The following TUT7 variants were observed in gnomAD, a reference collection of about 807,000 sequenced individuals.
The protein encoded by TUT7 is terminal uridylyltransferase 7.
A neutral mutation model predicts 165.9 loss-of-function variants in TUT7; 33 were observed. The ratio of observed to expected loss-of-function variants is 0.20; its 90% CI spans 0.15 to 0.27. The LOEUF (loss-of-function observed/expected upper bound fraction) is 0.27, where lower values mean the gene tolerates loss of function less well. TUT7 is among the 10% of genes least tolerant of loss of function. The pLI, the probability that TUT7 is intolerant of heterozygous loss-of-function variation, is 1.00. For missense variants in TUT7, 1,338 were observed against 1,762.3 expected, an observed-to-expected ratio of 0.76 and a Z score of 4.31; for synonymous variants, 552 against 608.1, an observed-to-expected ratio of 0.91 and a Z score of 1.36.
At chr9:86,316,131 T>G (rs994133026) in intron 17 of TUT7, among the ~76,000 whole-genome samples, 3 of 152,232 alleles carry the variant, frequency 2.0e-5, no homozygotes. Context: ...CACAGAAGTT[T>G]GCTGAACTAC....
Position 86,313,860 on chromosome 9 carries a change from A to T in TUT7, c.3275-3051T>A, listed in dbSNP as rs13293208. The stretch of plus-strand genomic sequence containing the variant: ...GTGGTGGTTCCTAAAAAGCAGATAC[A>T]TAGTGATCACATCATAGAACACAGG... On this transcript the variant is annotated intron_variant, in intron 17 of 26. Coordinates refer to ENST00000375963, the MANE Select transcript of TUT7 (RefSeq NM_024617.4). Among the ~76,000 whole-genome samples the T allele has an allele frequency of 1.9e-3, 283 of 152,324 alleles. 1 individual carries two copies. Among genetic ancestry groups the T allele is most frequent in the Non-Finnish European group, 2.5e-3 (169 of 68,026 alleles).
chr9:86,317,188 A>T (rs372753038), intron 17 of TUT7, 31 bp downstream of exon 17: 4 of 1,596,904 alleles, frequency 2.5e-6, no homozygotes, highest in Non-Finnish European at 8.6e-7. Context: ...AAAAAGTCAG[A>T]AATATTTTTA....
chr9:86,342,468 C>G (rs1251700476), intron 6 of TUT7, among the ~76,000 whole-genome samples: 2 of 152,112 alleles, frequency 1.3e-5, no homozygotes, highest in Non-Finnish European at 2.9e-5. Flanking sequence ...TGGCAATTCT[C>G]AAGTGCAGTC....
intron 25 of TUT7, 24 bp from the exon 26 acceptor site, chr9:86,301,625 G>C: frequency 1.3e-6 from 2 of 1,576,994 alleles, no homozygotes; most frequent in Non-Finnish European, 1.7e-6. Context: ...CATATTAGTA[G>C]CAAAAATCTA....
At chr9:86,334,842 G>C (rs1406910814) in intron 10 of TUT7, among the ~76,000 whole-genome samples, 1 of 152,078 alleles carries the variant, frequency 6.6e-6, no homozygotes, top group African/African-American at 2.4e-5. Context: ...GAAGAGGACT[G>C]ATTTTTGTCT....
chr9:86,337,304 A>T, intron 10 of TUT7, 115 bp downstream of exon 10: 1 of 1,154,980 alleles, frequency 8.7e-7, no homozygotes, highest in Non-Finnish European at 1.2e-6. Flanking sequence ...TGAGTAGAAT[A>T]AATAAATCCA....
chr9:86,318,193 C>T (rs527254608), intron 16 of TUT7, among the ~76,000 whole-genome samples: 11 of 152,340 alleles, frequency 7.2e-5, no homozygotes, highest in Admixed American at 1.3e-4. Flanking sequence ...ACTTCCTAGA[C>T]TTTATACCTT....
intron 10 of TUT7, among the ~76,000 whole-genome samples, chr9:86,334,498 CCTT>C (rs960710056): frequency 3.9e-5 from 6 of 152,190 alleles, no homozygotes; most frequent in Admixed American, 3.9e-4. Context: ...CCGCTCCTGG[CCTT>C]CTGCTCTGGT....
intron 5 of TUT7, 104 bp from the exon 6 acceptor site, chr9:86,343,267 C>T (rs1418463249): frequency 1.4e-5 from 9 of 650,384 alleles, no homozygotes; most frequent in Non-Finnish European, 2.1e-5. Flanking sequence ...ATTAAAATTA[C>T]ACACAAAAGC....
At chr9:86,322,165 C>T (rs1032340998) in intron 14 of TUT7, among the ~76,000 whole-genome samples, 160 bp downstream of exon 14, 7 of 152,052 alleles carry the variant, frequency 4.6e-5, no homozygotes, top group East Asian at 1.9e-4. Flanking sequence ...ATGTCCCAAA[C>T]AGAACAGACA....
chr9:86,304,968 T>A (rs1420377213), intron 23 of TUT7, 21 bp from the exon 24 acceptor site: 2 of 1,526,242 alleles, frequency 1.3e-6, no homozygotes, highest in Non-Finnish European at 1.8e-6. Context: ...GAGTAAGAAC[T>A]CACTTAGGCG....
chr9:86,352,128 C>T (rs1460743849), intron 2 of TUT7, among the ~76,000 whole-genome samples: 1 of 152,084 alleles, frequency 6.6e-6, no homozygotes, highest in African/African-American at 2.4e-5. Context: ...CTGTTTGTCA[C>T]GATCCCTTTT....
chr9:86,340,170 A>C, intron 7 of TUT7, 65 bp from the exon 8 acceptor site: 1 of 1,362,172 alleles, frequency 7.3e-7, no homozygotes, highest in Non-Finnish European at 1.0e-6. Context: ...GCAGAACCAG[A>C]TAAAGTACAA....
intron 24 of TUT7, among the ~76,000 whole-genome samples, chr9:86,304,252 T>C (rs921866849): frequency 3.9e-5 from 6 of 152,082 alleles, no homozygotes; most frequent in African/African-American, 2.4e-5. Flanking sequence ...GAATAAAAAG[T>C]ATAAGGAAAT....
chr9:86,297,484 G>GA (rs1289910695), intron 26 of TUT7, among the ~76,000 whole-genome samples: 2 of 152,158 alleles, frequency 1.3e-5, no homozygotes, highest in Non-Finnish European at 2.9e-5. Context: ...GGCTACGCAA[G>GA]AATTAGTTTT....
intron 10 of TUT7, chr9:86,337,109 G>A (rs1419665961): frequency 5.2e-6 from 1 of 193,318 alleles, no homozygotes; most frequent in Non-Finnish European, 1.1e-5. Context: ...TGTACCCAAA[G>A]AAAGAATGTA....
rs1177631882 is a variant in TUT7 at position 86,301,413 on chromosome 9, C to T, written c.4283G>A (p.Gly1428Glu). 2 of 1,614,024 alleles carry T rather than the reference C, an allele frequency of 1.2e-6. No individual in the cohort carries two copies. The highest frequency in any genetic ancestry group is 2.7e-5 in the African/African-American group (2 of 74,912). The change falls in exon 26 of 27, where the codon GGG becomes GAG. Residue 1428 changes from glycine (G) to glutamate (E), a missense_variant. Gly to Glu is a moderately conservative substitution (Grantham distance 98). Around this residue, in one of 7 missense-constraint regions of TUT7, gnomAD observed 167 missense variants for 204.9 expected, o/e 0.82. Transcript: ENST00000375963. Reference sequence around the variant, plus strand: ...TGGTGGCCTGAGGATCTTCTCCCTCCCCAGGTCAGCAGCTGCCCGCATTGG... The same window carrying T: ...TGGTGGCCTGAGGATCTTCTCCCTCTCCAGGTCAGCAGCTGCCCGCATTGG... ...AKPMRAAADLGREKILRPPVE... is the reference protein window; with the variant it reads ...AKPMRAAADLEREKILRPPVE...
At chr9:86,325,239 A>G in intron 12 of TUT7, 95 bp downstream of exon 12, 1 of 1,205,346 alleles carries the variant, frequency 8.3e-7, no homozygotes, top group Non-Finnish European at 1.2e-6. Context: ...CCTTACTTGT[A>G]GGAGCTGAAA....
chr9:86,318,395 T>C lies in TUT7; in HGVS notation c.3216+563A>G, dbSNP rs1408810211. Among the ~76,000 whole-genome samples, 7 of 152,100 alleles carry C rather than the reference T, an allele frequency of 4.6e-5. No homozygotes were observed. The East Asian group carries it at 7.7e-4, about 17-fold the overall frequency. ...AAACTTTATTTACAAAAACAGGCAGTGGGGGGCTGAATTGCCCAAGGGCCA... is the reference window on the plus strand; with the variant it reads ...AAACTTTATTTACAAAAACAGGCAGCGGGGGGCTGAATTGCCCAAGGGCCA... On this transcript the variant is annotated intron_variant, in intron 16 of 26. Transcript: ENST00000375963.
Sources: gnomAD v4.1 joint callset for allele counts (sites outside exome capture counted in the v4.1 genomes callset) on GRCh38, gnomAD v4.1.1 for gene constraint, gnomAD v4.1.1 regional missense constraint, MANE v1.5 for transcripts, NCBI Gene and HGNC (gene_info 2026-07-23, HGNC 2026-07-21) for gene names.